The following DLG2 variants were observed in gnomAD, a reference collection of about 807,000 sequenced individuals.
The protein encoded by DLG2 is discs large MAGUK scaffold protein 2.
Under a neutral mutation model 132.5 loss-of-function variants are expected in DLG2, and 45 were observed. That is an observed-to-expected ratio of 0.34 (90% CI 0.27 to 0.44). The LOEUF (loss-of-function observed/expected upper bound fraction) is 0.44. Ranked by LOEUF, DLG2 falls within the 20% of genes least tolerant of loss-of-function variation. The pLI is 1.00. For missense variants in DLG2, 1,045 were observed against 1,196.9 expected, an observed-to-expected ratio of 0.87 and a Z score of 1.87; for synonymous variants, 424 against 419.6, an observed-to-expected ratio of 1.01 and a Z score of -0.13.
intron 7 of DLG2, among the ~76,000 whole-genome samples, chr11:84,512,845 G>A (rs2099260956): frequency 1.3e-5 from 2 of 152,114 alleles, no homozygotes; most frequent in South Asian, 4.1e-4. Context: ...CAGGGACATG[G>A]ATAAAGCTGG....
rs190333006 is a variant in DLG2, at chr11:85,273,387, A to G, written c.186+11833T>C. 6.1e-3 allele frequency among the ~76,000 whole-genome samples: 933 copies of G among 152,232 alleles called. 2 individuals carry two copies. The highest frequency in any genetic ancestry group is 0.011 in the Non-Finnish European group (749 of 67,982). ...AAGGGCTAATATCCAGAATCTACAA[A>G]GAACTTAAAAAAATTTACAAGAAAA... On this transcript the variant is annotated intron_variant, in intron 4 of 27. Transcript: ENST00000376104.
chr11:84,932,569 T>C (rs901362124), intron 6 of DLG2, among the ~76,000 whole-genome samples: 4 of 152,094 alleles, frequency 2.6e-5, no homozygotes, highest in African/African-American at 9.7e-5. Flanking sequence ...GCCCACCTGT[T>C]CTCATTGTTC....
chr11:84,093,326 T>C (rs938515141), intron 10 of DLG2, among the ~76,000 whole-genome samples: 1 of 152,182 alleles, frequency 6.6e-6, no homozygotes, highest in East Asian at 1.9e-4. Flanking sequence ...GCTGTCAGCC[T>C]GGGGGCCTCT....
chr11:84,923,477 G>T lies in DLG2; in HGVS notation c.357+188184C>A, dbSNP rs139153339. Reference sequence around the variant, plus strand: ...GGGAATGAGCTCACTCAGGAAGGAGGGGGGGAAAGGTGAAGAATTGAAATT... The same window carrying T: ...GGGAATGAGCTCACTCAGGAAGGAGTGGGGGAAAGGTGAAGAATTGAAATT... On this transcript the variant is annotated intron_variant, in intron 6 of 27. Transcript: ENST00000376104. The T allele has an allele frequency of 1.6e-3, 1,303 of 790,556 alleles. 4 individuals carry two copies. The highest frequency in any genetic ancestry group is 1.9e-3 in the Non-Finnish European group (1,268 of 660,836). The allele number at this position is 790,556 out of a possible 1,614,324, so 49.0% of individuals were successfully genotyped here. A position where few individuals can be genotyped will look rare whatever the true frequency, so the allele number is the denominator to read the frequency against.
chr11:84,057,681 A>T (rs2096526814), intron 11 of DLG2, among the ~76,000 whole-genome samples: 1 of 152,214 alleles, frequency 6.6e-6, no homozygotes, highest in Admixed American at 6.6e-5. Flanking sequence ...TACAGATAAC[A>T]TGCATATGTA....
chr11:84,193,242 A>G (rs1340318708), intron 8 of DLG2, among the ~76,000 whole-genome samples: 4 of 152,214 alleles, frequency 2.6e-5, no homozygotes, highest in Non-Finnish European at 4.4e-5. Flanking sequence ...AACATTCACT[A>G]CAATCATGGA....
intron 4 of DLG2, among the ~76,000 whole-genome samples, chr11:85,210,197 A>G (rs938856319): frequency 2.6e-5 from 4 of 152,128 alleles, no homozygotes; most frequent in African/African-American, 9.7e-5. Context: ...ATTCCCTTCA[A>G]TATTCCAAGT....
chr11:85,560,458 T>C (rs1345791861), intron 3 of DLG2, among the ~76,000 whole-genome samples: 3 of 151,864 alleles, frequency 2.0e-5, no homozygotes, highest in African/African-American at 4.8e-5. Flanking sequence ...AAAAACATTA[T>C]GGTAAGTGAA....
chr11:85,024,554 G>A (rs561959109), intron 6 of DLG2, among the ~76,000 whole-genome samples: 5 of 152,234 alleles, frequency 3.3e-5, no homozygotes, highest in South Asian at 2.1e-4. Context: ...CAAAAGAAAC[G>A]AATAATTGTC....
intron 4 of DLG2, among the ~76,000 whole-genome samples, chr11:85,156,726 C>A (rs139889793): frequency 1.4e-4 from 22 of 152,292 alleles, no homozygotes; most frequent in African/African-American, 4.6e-4. Flanking sequence ...ATACTGAACA[C>A]GGCGGCACAT....
intron 3 of DLG2, among the ~76,000 whole-genome samples, chr11:85,325,705 C>G (rs923375452): frequency 2.3e-5 from 1 of 43,690 alleles, no homozygotes; most frequent in Non-Finnish European, 5.3e-5. Context: ...AACTCTAAAA[C>G]GCAGAGCGCC....
chr11:84,553,701 T>A (rs1171469388), intron 6 of DLG2, among the ~76,000 whole-genome samples: 2 of 152,220 alleles, frequency 1.3e-5, no homozygotes, highest in Non-Finnish European at 2.9e-5. Flanking sequence ...AAAGGCAGTT[T>A]CTTACAATTC....
At chr11:83,884,056 G>A (rs532655730) in intron 15 of DLG2, among the ~76,000 whole-genome samples, 12 of 152,296 alleles carry the variant, frequency 7.9e-5, no homozygotes, top group East Asian at 7.7e-4. Context: ...CTGAAGTACC[G>A]GGTTCATCTC....
intron 7 of DLG2, among the ~76,000 whole-genome samples, chr11:84,360,403 C>T (rs889334151): frequency 6.6e-6 from 1 of 151,862 alleles, no homozygotes; most frequent in Non-Finnish European, 1.5e-5. Flanking sequence ...CACATCCTCC[C>T]AAATTAGCTA....
chr11:85,303,147 G>T (rs1454953713), intron 3 of DLG2, among the ~76,000 whole-genome samples: 1 of 152,080 alleles, frequency 6.6e-6, no homozygotes, highest in Non-Finnish European at 1.5e-5. Context: ...TCTACCTTTT[G>T]TATTCCCACC....
At chr11:84,567,868 C>A (rs574320717) in intron 6 of DLG2, among the ~76,000 whole-genome samples, 1 of 152,302 alleles carries the variant, frequency 6.6e-6, no homozygotes, top group South Asian at 2.1e-4. Context: ...TGGCTCTACA[C>A]AACTGAATGA....
intron 6 of DLG2, among the ~76,000 whole-genome samples, chr11:85,070,888 G>C (rs907359699): frequency 6.6e-6 from 1 of 151,740 alleles, no homozygotes; most frequent in African/African-American, 2.4e-5. Context: ...TTGGTACGTA[G>C]GTCCTTGTGA....
intron 11 of DLG2, among the ~76,000 whole-genome samples, chr11:83,986,273 T>C (rs1189782422): frequency 2.0e-5 from 3 of 149,688 alleles, no homozygotes; most frequent in Non-Finnish European, 4.4e-5. Context: ...TGTGTTCTCA[T>C]TGTTCAATTC....
chr11:85,448,577 T>C (rs2092109066), intron 3 of DLG2, among the ~76,000 whole-genome samples: 1 of 152,166 alleles, frequency 6.6e-6, no homozygotes, highest in Admixed American at 6.5e-5. Context: ...AAAAACTTTG[T>C]TCTATAAAAT....
Sources: allele counts gnomAD v4.1 joint callset (sites outside exome capture counted in the v4.1 genomes callset), GRCh38; gene constraint gnomAD v4.1.1; transcripts MANE v1.5; gene names NCBI Gene and HGNC (gene_info 2026-07-23, HGNC 2026-07-21).